AFF1: variants seen among roughly 807,000 people sequenced by gnomAD.
AFF1 encodes the protein AF4/FMR2 family member 1.
A neutral mutation model predicts 121.7 loss-of-function variants in AFF1; 48 were observed. That is an observed-to-expected ratio of 0.39 (90% CI 0.31 to 0.50). The LOEUF is 0.50. Ranked by LOEUF, AFF1 falls within the 20% of genes least tolerant of loss-of-function variation. The probability of loss-of-function intolerance (pLI) is 0.76; values close to 1 mark genes in which losing one functional copy is unlikely to be tolerated. For synonymous variants in AFF1, 613 were observed against 563.0 expected (o/e 1.09, Z -1.26); for missense variants, 1,523 against 1,511.7 (o/e 1.01, Z -0.12).
At chr4:86,955,827 A>G (rs1291513253) in intron 2 of AFF1, among the ~76,000 whole-genome samples, 1 of 152,110 alleles carries the variant, frequency 6.6e-6, no homozygotes, top group East Asian at 1.9e-4. Flanking sequence ...GATTTTGTTA[A>G]CCTTGCATCA....
intron 2 of AFF1, among the ~76,000 whole-genome samples, chr4:87,016,424 G>A (rs1342170882): frequency 1.3e-5 from 2 of 151,636 alleles, no homozygotes; most frequent in Admixed American, 6.6e-5. Context: ...GGTGGCGGGC[G>A]CCTGTAGTCC....
At chr4:87,111,374 G>T (rs1726511461) in intron 11 of AFF1, among the ~76,000 whole-genome samples, 1 of 151,524 alleles carries the variant, frequency 6.6e-6, no homozygotes, top group Non-Finnish European at 1.5e-5. Flanking sequence ...TTTTTATTGA[G>T]ATGGAGTCTC....
chr4:87,065,823 A>G (rs1189564027), intron 4 of AFF1, among the ~76,000 whole-genome samples: 1 of 151,910 alleles, frequency 6.6e-6, no homozygotes, highest in African/African-American at 2.4e-5. Flanking sequence ...TCTCTGTGCA[A>G]CCTCTCTGCC....
At chr4:87,125,180 G>T in intron 13 of AFF1, 37 bp downstream of exon 13, 1 of 1,507,458 alleles carries the variant, frequency 6.6e-7, no homozygotes, top group Non-Finnish European at 9.0e-7. Context: ...AATCTACGGT[G>T]ATCAACACTT....
At chr4:87,011,960 C>T (rs1377817015) in intron 2 of AFF1, among the ~76,000 whole-genome samples, 1 of 152,202 alleles carries the variant, frequency 6.6e-6, no homozygotes, top group African/African-American at 2.4e-5. Context: ...GCTGGATTTA[C>T]ACTCTTGAAA....
intron 10 of AFF1, 108 bp from the exon 11 acceptor site, chr4:87,108,051 T>A: frequency 8.0e-7 from 1 of 1,250,766 alleles, no homozygotes; most frequent in Admixed American, 2.3e-5. Flanking sequence ...TAGCAGTGTA[T>A]CTAATACCAA....
intron 2 of AFF1, among the ~76,000 whole-genome samples, chr4:86,961,175 A>C (rs951357981): frequency 6.6e-6 from 1 of 152,198 alleles, no homozygotes; most frequent in African/African-American, 2.4e-5. Context: ...GATACCCATG[A>C]AAATATTTAA....
rs751228827 is a variant in AFF1 at position 87,047,188 on chromosome 4, T to G, written c.653T>G (p.Leu218Trp). 3 of 1,614,154 alleles carry G rather than the reference T, an allele frequency of 1.9e-6. No homozygotes were observed. In the South Asian group the frequency reaches 3.3e-5, roughly 18 times the overall value. The change falls in exon 4 of 21, where the codon TTG (leucine) becomes TGG (tryptophan). Residue 218 changes from leucine (L) to tryptophan (W), a missense_variant. This residue lies in a region of AFF1 where 369 missense variants were observed against 367.2 expected (regional missense o/e 1.00). Transcript: ENST00000395146. ...LISLPSPVPP[L>W]SPIHSNQQTL... ...TCTTTGCCTTCCCCAGTTCCCCCTT[T>G]GTCACCTATACATTCCAACCAGCAA...
intron 4 of AFF1, 114 bp downstream of exon 4, chr4:87,047,708 G>A: frequency 7.1e-7 from 1 of 1,400,634 alleles, no homozygotes. Flanking sequence ...TTGGGTAGGG[G>A]GAATTCTTTT....
At chr4:87,099,855 G>A (rs1725247729) in intron 8 of AFF1, among the ~76,000 whole-genome samples, 1 of 152,228 alleles carries the variant, frequency 6.6e-6, no homozygotes, top group African/African-American at 2.4e-5. Flanking sequence ...TCTTTGGATA[G>A]TAGTTACACT....
intron 2 of AFF1, chr4:87,006,876 T>C (rs547332163): frequency 6.0e-5 from 51 of 853,598 alleles, no homozygotes; most frequent in Non-Finnish European, 6.3e-5. Context: ...GCCGCCTGCC[T>C]TTGGCTAGGG....
intron 2 of AFF1, among the ~76,000 whole-genome samples, chr4:87,002,395 C>CAACTCTT (rs561292276): frequency 1.1e-3 from 152 of 141,626 alleles, no homozygotes; most frequent in South Asian, 2.1e-3. Flanking sequence ...CAGGCCTGGT[C>CAACTCTT]AACTCTTAAG....
intron 1 of AFF1, among the ~76,000 whole-genome samples, chr4:86,940,722 A>G (rs1720393992): frequency 6.6e-6 from 1 of 152,136 alleles, no homozygotes; most frequent in Non-Finnish European, 1.5e-5. Context: ...TATAGTTGTC[A>G]GTAAGTGTGT....
At chr4:87,062,994 G>A (rs938936202) in intron 4 of AFF1, among the ~76,000 whole-genome samples, 1 of 152,042 alleles carries the variant, frequency 6.6e-6, no homozygotes, top group Non-Finnish European at 1.5e-5. Context: ...ACCTTCTCGA[G>A]GCCGTTATAA....
At chr4:86,984,884 T>A (rs1047820252) in intron 2 of AFF1, among the ~76,000 whole-genome samples, 3 of 152,020 alleles carry the variant, frequency 2.0e-5, no homozygotes, top group African/African-American at 7.2e-5. Context: ...ATGATGCCAC[T>A]GCATTCCAGC....
At chr4:86,951,950 T>G (rs541910689) in intron 2 of AFF1, among the ~76,000 whole-genome samples, 23 of 150,956 alleles carry the variant, frequency 1.5e-4, no homozygotes, top group Admixed American at 1.4e-3. Flanking sequence ...AGCAAAAAGC[T>G]AGACAATTGT....
Position 87,115,081 on chromosome 4 carries a change from T to A in AFF1, c.2248T>A (p.Leu750Met). ...DSRKDRLPLP[L>M]RDTKLLSPLR... ...CCGCAAAGACAGACTCCCATTGCCT[T>A]TGAGAGACACCAAGCTGCTCTCACC... The change falls in exon 12 of 21, where the codon TTG becomes ATG. Residue 750 changes from leucine (L) to methionine (M), a missense_variant. This residue lies in a region of AFF1 where 905 missense variants were observed against 842.5 expected (regional missense o/e 1.07). Transcript: ENST00000395146. 1 of 1,614,060 alleles carries A rather than the reference T, an allele frequency of 6.2e-7. No individual in the cohort carries two copies. The highest frequency in any genetic ancestry group is 8.5e-7 in the Non-Finnish European group (1 of 1,180,012).
At chr4:87,083,597 A>G (rs1723384428) in intron 4 of AFF1, among the ~76,000 whole-genome samples, 1 of 152,074 alleles carries the variant, frequency 6.6e-6, no homozygotes, top group Admixed American at 6.6e-5. Context: ...CACCTATTCT[A>G]ATCTTATTTT....
At chr4:86,995,510 C>T (rs558870867) in intron 2 of AFF1, among the ~76,000 whole-genome samples, 2 of 152,008 alleles carry the variant, frequency 1.3e-5, no homozygotes, top group South Asian at 2.1e-4. Flanking sequence ...GACGGGGTTT[C>T]GCTGTGTTGG....
Sources: gnomAD v4.1 joint callset for allele counts (sites outside exome capture counted in the v4.1 genomes callset) on GRCh38, gnomAD v4.1.1 for gene constraint, gnomAD v4.1.1 regional missense constraint, MANE v1.5 for transcripts, NCBI Gene and HGNC (gene_info 2026-07-23, HGNC 2026-07-21) for gene names.